The following PRDM13 variants were observed in gnomAD, a reference collection of about 807,000 sequenced individuals.
PRDM13 encodes the protein PR/SET domain 13.
PRDM13 carries 15 observed loss-of-function variants against 36.4 expected under a neutral mutation model. The observed-to-expected ratio is 0.41, with a 90% CI of 0.28 to 0.64. The LOEUF is 0.64. PRDM13 is among the 30% of genes least tolerant of loss of function. The probability of loss-of-function intolerance (pLI) is 0.29; values close to 1 mark genes in which losing one functional copy is unlikely to be tolerated. For missense variants in PRDM13, 1,044 were observed against 1,013.5 expected (o/e 1.03, Z -0.41); for synonymous variants, 531 against 467.7 (o/e 1.14, Z -1.75).
intron 1 of PRDM13, 54 bp downstream of exon 1, chr6:99,607,232 C>T (rs1769960596): frequency 6.3e-7 from 1 of 1,596,670 alleles, no homozygotes; most frequent in Non-Finnish European, 8.5e-7. Context: ...GTGCCCTGAC[C>T]CGGGAAAGGG....
Position 99,614,937 on chromosome 6 carries a change from C to CT in PRDM13, c.*178_*179insT. 1.1e-6 allele frequency: 1 copy of CT among 886,938 alleles called. No individual in the cohort carries two copies. Among genetic ancestry groups the CT allele is most frequent in the Non-Finnish European group, 1.7e-6 (1 of 602,262 alleles). 54.9% of individuals were successfully genotyped at this position (886,938 alleles called of 1,614,324 possible). On this transcript the variant is annotated 3_prime_UTR_variant, in exon 4 of 4. Coordinates refer to ENST00000369215, the MANE Select transcript of PRDM13 (RefSeq NM_021620.4). ...CCACATCTGGTGCTGAAACTCAGAG[C>CT]AACAGTTCAGAGGTGGCGTAAATCT...
At position 99,613,526 on chromosome 6, in the gene PRDM13, C is replaced by T. The variant is rs1210286720; in HGVS notation, c.891C>T (p.Pro297=). ...FYPGVRSAFK[P]AGLARAAAAA... ...CCGGCGTGCGCTCAGCTTTCAAGCC[C>T]GCCGGCCTAGCGAGGGCGGCGGCGG... Residue 297 remains proline, a synonymous_variant, in exon 4 of 4, where the codon CCC becomes CCT. Transcript: ENST00000369215. This position sits in a 1 kb window ranked among gnomAD's most constrained non-coding sequence, Gnocchi z 6.1. The T allele has an allele frequency of 4.7e-6, 7 of 1,501,260 alleles. No homozygotes were observed. The highest frequency in any genetic ancestry group is 8.8e-7 in the Non-Finnish European group (1 of 1,135,520). 93.0% of individuals were successfully genotyped at this position (1,501,260 alleles called of 1,614,324 possible). A position where few individuals can be genotyped will look rare whatever the true frequency, so the allele number is the denominator to read the frequency against.
chr6:99,613,917 G>C lies in PRDM13; in HGVS notation c.1282G>C (p.Gly428Arg), dbSNP rs763559246. ...ARYAQLPPAP[G>R]LPLERCALPP... is the part of the protein sequence containing the mutation. ...TTATGCGCAGCTGCCCCCTGCGCCGGGGTTGCCCCTCGAGCGCTGCGCGCT... is the reference window on the plus strand; with the variant it reads ...TTATGCGCAGCTGCCCCCTGCGCCGCGGTTGCCCCTCGAGCGCTGCGCGCT... The change falls in exon 4 of 4, where the codon GGG becomes CGG. Residue 428 changes from glycine to arginine, a missense_variant. Gly to Arg is a moderately radical substitution (Grantham distance 125). This residue lies in a region of PRDM13 where 921 missense variants were observed against 865.2 expected (regional missense o/e 1.06). Coordinates refer to ENST00000369215, the MANE Select transcript of PRDM13 (RefSeq NM_021620.4). The surrounding 1 kb of genome is among the most constrained non-coding windows in gnomAD (Gnocchi z 6.1). The C allele has an allele frequency of 6.3e-7, 1 of 1,586,156 alleles. No individual in the cohort carries two copies. The highest frequency in any genetic ancestry group is 1.4e-5 in the African/African-American group (1 of 71,562).
Position 99,613,647 on chromosome 6 carries a change from C to G in PRDM13, c.1012C>G (p.Arg338Gly), listed in dbSNP as rs1316332637. Residue 338 changes from arginine (R) to glycine (G), a missense_variant, in exon 4 of 4, where the codon CGC becomes GGC. By Grantham distance (125) the Arg-to-Gly change is moderately radical. Around this residue, in one of 3 missense-constraint regions of PRDM13, gnomAD observed 921 missense variants for 865.2 expected, o/e 1.06. Transcript: ENST00000369215. The surrounding 1 kb of genome is among the most constrained non-coding windows in gnomAD (Gnocchi z 6.1). ...GCTGGGCGGGGGCCGGGCGTGCGGG[C>G]GCCCCGGGAGCGGGGAGAACTCGGC... ...RLLGGGRACG[R>G]PGSGENSAAG... is the part of the protein sequence containing the mutation. 4.9e-6 allele frequency: 7 copies of G among 1,431,382 alleles called. No individual in the cohort carries two copies. The highest frequency in any genetic ancestry group is 6.3e-6 in the Non-Finnish European group (7 of 1,107,582). The allele number at this position is 1,431,382 out of a possible 1,614,324, so 88.7% of individuals were successfully genotyped here. A position where few individuals can be genotyped will look rare whatever the true frequency, so the allele number is the denominator to read the frequency against.
chr6:99,614,605 GTC>G lies in PRDM13; in HGVS notation c.1972_1973del (p.Leu658AlafsTer27). 4 of 1,612,650 alleles carry G rather than the reference GTC, an allele frequency of 2.5e-6. No individual in the cohort carries two copies. The South Asian group carries it at 4.4e-5, about 18-fold the overall frequency. The stretch of plus-strand genomic sequence containing the variant: ...GTCAAGTCCCGCCACCCTGGCCAGA[GTC>G]TGCTCGCCAAAGCGGGCGACGGCCC... On this transcript the variant is annotated frameshift_variant, in exon 4 of 4. Transcript: ENST00000369215. LOFTEE classifies it high-confidence loss of function.
Position 99,613,275 on chromosome 6 carries a change from G to T in PRDM13, c.640G>T (p.Gly214Cys). 6.3e-7 allele frequency: 1 copy of T among 1,595,364 alleles called. No individual in the cohort carries two copies. The highest frequency in any genetic ancestry group is 1.3e-5 in the African/African-American group (1 of 74,636). The change falls in exon 4 of 4, where the codon GGC becomes TGC. Residue 214 changes from glycine to cysteine, a missense_variant. This residue lies in a region of PRDM13 where 921 missense variants were observed against 865.2 expected (regional missense o/e 1.06). Transcript: ENST00000369215. The surrounding 1 kb of genome is among the most constrained non-coding windows in gnomAD (Gnocchi z 6.1). ...QAGTLRPHPL[G>C]PPPVQACGAR... ...AGGAACTTTGCGACCCCACCCCCTGGGCCCGCCACCAGTTCAGGCCTGCGG... is the reference window on the plus strand; with the variant it reads ...AGGAACTTTGCGACCCCACCCCCTGTGCCCGCCACCAGTTCAGGCCTGCGG...
rs763709266 is a variant in PRDM13 at position 99,614,084 on chromosome 6, A to T, written c.1449A>T (p.Lys483Asn). The change falls in exon 4 of 4, where the codon AAA becomes AAT. Residue 483 changes from lysine (K) to asparagine (N), a missense_variant. By Grantham distance (94) the Lys-to-Asn change is moderately conservative. This residue lies in a region of PRDM13 where 921 missense variants were observed against 865.2 expected (regional missense o/e 1.06). Coordinates refer to ENST00000369215, the MANE Select transcript of PRDM13 (RefSeq NM_021620.4). ...SPATTAYYPLKLHFGGLLKYP... is the reference protein window; with the variant it reads ...SPATTAYYPLNLHFGGLLKYP... The stretch of plus-strand genomic sequence containing the variant: ...CCACCACCGCTTATTACCCGCTCAA[A>T]TTGCACTTCGGCGGGCTGCTGAAGT... 2 of 1,600,664 alleles carry T rather than the reference A, an allele frequency of 1.2e-6. No homozygotes were observed. Among genetic ancestry groups the T allele is most frequent in the Non-Finnish European group, 1.7e-6 (2 of 1,174,200 alleles).
chr6:99,612,853 A>T (rs991299222), intron 3 of PRDM13, among the ~76,000 whole-genome samples, 180 bp from the exon 4 acceptor site: 1 of 152,116 alleles, frequency 6.6e-6, no homozygotes, highest in African/African-American at 2.4e-5. Flanking sequence ...GACACTGATA[A>T]GGATTGGCCA....
At chr6:99,607,968 CA>C (rs1255746522) in intron 1 of PRDM13, among the ~76,000 whole-genome samples, 1 of 152,222 alleles carries the variant, frequency 6.6e-6, no homozygotes, top group African/African-American at 2.4e-5. Flanking sequence ...TCCCAGGAGC[CA>C]AAGGTCGGCA....
chr6:99,609,140 G>A (rs745832707), intron 2 of PRDM13, 47 bp from the exon 3 acceptor site: 15 of 1,602,356 alleles, frequency 9.4e-6, no homozygotes, highest in Non-Finnish European at 1.3e-5. Flanking sequence ...CTTTTTGACC[G>A]ATTACCCAGG....
chr6:99,609,201 A>C lies in PRDM13; in HGVS notation c.291A>C (p.Ala97=), dbSNP rs1237989746. 6.8e-6 allele frequency: 11 copies of C among 1,613,420 alleles called. No homozygotes were observed. The highest frequency in any genetic ancestry group is 9.3e-6 in the Non-Finnish European group (11 of 1,179,664). Reference sequence around the variant, plus strand: ...TTGCGTCCCAGATCTTCTACCGAGCATTGCGAGACGTCCAGCCAGGGGAGG... The same window carrying C: ...TTGCGTCCCAGATCTTCTACCGAGCCTTGCGAGACGTCCAGCCAGGGGAGG... ...DLPGGQIFYR[A]LRDVQPGEEL... The change falls in exon 3 of 4, where the codon GCA becomes GCC. Residue 97 remains alanine, a synonymous_variant. Transcript: ENST00000369215.
chr6:99,614,564 G>A lies in PRDM13; in HGVS notation c.1929G>A (p.Arg643=). Residue 643 remains arginine (R), a synonymous_variant, in exon 4 of 4, where the codon CGG becomes CGA. Coordinates refer to ENST00000369215, the MANE Select transcript of PRDM13 (RefSeq NM_021620.4). ...GCGGCAAGGTACTTGTGCGCCGCCGGGACCTGGAGCGACATGTCAAGTCCC... is the reference window on the plus strand; with the variant it reads ...GCGGCAAGGTACTTGTGCGCCGCCGAGACCTGGAGCGACATGTCAAGTCCC... ...EFCGKVLVRR[R]DLERHVKSRH... is the part of the protein sequence containing the mutation. 1.2e-6 allele frequency: 2 copies of A among 1,612,786 alleles called. No individual in the cohort carries two copies. The highest frequency in any genetic ancestry group is 1.7e-6 in the Non-Finnish European group (2 of 1,179,894).
Position 99,614,432 on chromosome 6 carries a change from G to A in PRDM13, c.1797G>A (p.Lys599=). 6.2e-7 allele frequency: 1 copy of A among 1,613,628 alleles called. No individual in the cohort carries two copies. Among genetic ancestry groups the A allele is most frequent in the South Asian group, 1.1e-5 (1 of 91,078 alleles). ...ACATGCGGACGCACACGGGCTACAA[G>A]CCACTCAAGTGCAAAGTCTGTCTGC... ...KIHMRTHTGY[K]PLKCKVCLRP... is the part of the protein sequence containing the mutation. Residue 599 remains lysine, a synonymous_variant, in exon 4 of 4, where the codon AAG becomes AAA. Transcript: ENST00000369215.
chr6:99,613,700 C>A lies in PRDM13; in HGVS notation c.1065C>A (p.His355Gln), dbSNP rs1456205421. The A allele has an allele frequency of 1.4e-6, 2 of 1,476,950 alleles. No individual in the cohort carries two copies. The highest frequency in any genetic ancestry group is 1.8e-6 in the Non-Finnish European group (2 of 1,123,238). 91.5% of individuals were successfully genotyped at this position (1,476,950 alleles called of 1,614,324 possible). Residue 355 changes from histidine to glutamine, a missense_variant, in exon 4 of 4, where the codon CAC (histidine) becomes CAA (glutamine). Physicochemically the swap from His to Gln is conservative, Grantham distance 24. Around this residue, in one of 3 missense-constraint regions of PRDM13, gnomAD observed 921 missense variants for 865.2 expected, o/e 1.06. Coordinates refer to ENST00000369215, the MANE Select transcript of PRDM13 (RefSeq NM_021620.4). The surrounding 1 kb of genome is among the most constrained non-coding windows in gnomAD (Gnocchi z 6.1). ...SAAGGAGHHH[H>Q]HHAHHHHHPK... Reference sequence around the variant, plus strand: ...CGGGCGGCGCGGGTCACCACCATCACCACCACGCGCACCACCACCACCATC... The same window carrying A: ...CGGGCGGCGCGGGTCACCACCATCAACACCACGCGCACCACCACCACCATC...
intron 3 of PRDM13, among the ~76,000 whole-genome samples, chr6:99,612,215 G>A (rs936579865): frequency 1.3e-5 from 2 of 152,126 alleles, no homozygotes; most frequent in Non-Finnish European, 2.9e-5. Flanking sequence ...TTGGATTTGT[G>A]CAGCTATCTA....
Position 99,609,250 on chromosome 6 carries a change from T to C in PRDM13, c.340T>C (p.Ser114Pro). The C allele has an allele frequency of 5.6e-6, 9 of 1,613,746 alleles. No individual in the cohort carries two copies. Among genetic ancestry groups the C allele is most frequent in the Non-Finnish European group, 7.6e-6 (9 of 1,179,742 alleles). The change falls in exon 3 of 4, where the codon TCC becomes CCC. Residue 114 changes from serine (S) to proline (P), a missense_variant. Transcript: ENST00000369215. ...GGAGCTGACAGTGTGGTATTCTAAC[T>C]CCTTGGCTCAGTGGTTCGACATCCC... ...GEELTVWYSN[S>P]LAQWFDIPTT...
Position 99,608,866 on chromosome 6 carries a change from AG to A in PRDM13, c.272del (p.Gly91AspfsTer17). On this transcript the variant is annotated frameshift_variant, in exon 2 of 4. Transcript: ENST00000369215. LOFTEE classifies it high-confidence loss of function. ...TGGAAGCTATTGCAGACTTACCCGG[AG>A]GACAGGTACTGCGGGCTTCTCTCCA... ...TLEAIADLPG[G>X]QIFYRALRDV... The A allele has an allele frequency of 6.2e-7, 1 of 1,612,908 alleles. No individual in the cohort carries two copies. The highest frequency in any genetic ancestry group is 1.3e-5 in the African/African-American group (1 of 74,984).
At position 99,612,973 on chromosome 6, in the gene PRDM13, T is replaced by C. The variant is rs1422234004; in HGVS notation, c.398-60T>C. 1.6e-5 allele frequency: 25 copies of C among 1,594,104 alleles called. No homozygotes were observed. The East Asian group carries it at 5.6e-4, about 36-fold the overall frequency. On this transcript the variant is annotated intron_variant, in intron 3 of 3. Transcript: ENST00000369215. Reference sequence around the variant, plus strand: ...GCTTTGCCTTGGGTGCACTGGCGCTTTCTTTATGTCTCGCTTGTTCGCCTC... The same window carrying C: ...GCTTTGCCTTGGGTGCACTGGCGCTCTCTTTATGTCTCGCTTGTTCGCCTC...
At chr6:99,608,271 T>C (rs1769980233) in intron 1 of PRDM13, among the ~76,000 whole-genome samples, 2 of 152,310 alleles carry the variant, frequency 1.3e-5, no homozygotes, top group African/African-American at 4.8e-5. Context: ...GCTGCAGGGC[T>C]CACAGGCAAC....
Sources: gnomAD v4.1 joint callset for allele counts (sites outside exome capture counted in the v4.1 genomes callset) on GRCh38, gnomAD v4.1.1 for gene constraint, gnomAD v4.1.1 regional missense constraint, Gnocchi (gnomAD v3.1) non-coding constraint, MANE v1.5 for transcripts, NCBI Gene and HGNC (gene_info 2026-07-23, HGNC 2026-07-21) for gene names.